Variants in ASTN1 observed in about 807,000 individuals in gnomAD.
ASTN1 encodes astrotactin-1.
Under a neutral mutation model 140.7 loss-of-function variants are expected in ASTN1, and 41 were observed. The observed-to-expected ratio is 0.29, with a 90% confidence interval of 0.23 to 0.38. The LOEUF (loss-of-function observed/expected upper bound fraction) is 0.38. Ranked by LOEUF, ASTN1 falls within the 10% of genes least tolerant of loss-of-function variation. The pLI is 1.00. For missense variants in ASTN1, 1,479 were observed against 1,678.8 expected, an observed-to-expected ratio of 0.88 and a Z score of 2.08; for synonymous variants, 640 against 652.2, an observed-to-expected ratio of 0.98 and a Z score of 0.29.
At chr1:177,023,642 AG>A (rs1675945563) in intron 6 of ASTN1, 71 bp from the exon 7 acceptor site, 23 of 1,430,400 alleles carry the variant, frequency 1.6e-5, no homozygotes, top group Non-Finnish European at 2.0e-5. Context: ...ACCGAAGACA[AG>A]GAAATCCCAA....
intron 1 of ASTN1, among the ~76,000 whole-genome samples, chr1:177,158,690 GTGTA>G (rs1475183287): frequency 8.2e-4 from 119 of 144,870 alleles, no homozygotes; most frequent in Admixed American, 1.7e-3. Flanking sequence ...GTGTGTGTGT[GTGTA>G]TGATATATAT....
At chr1:176,858,486 A>G (rs989831792), downstream of ASTN1, among the ~76,000 whole-genome samples, 1 of 152,180 alleles carries the variant, frequency 6.6e-6, no homozygotes, top group South Asian at 2.1e-4. Context: ...CCAAGCATTG[A>G]GTGTTACCAT....
At chr1:177,090,415 T>G (rs568109218) in intron 1 of ASTN1, among the ~76,000 whole-genome samples, 1 of 152,280 alleles carries the variant, frequency 6.6e-6, no homozygotes, top group East Asian at 1.9e-4. Context: ...TTATCCCTTT[T>G]ATACTGTGAG....
intron 2 of ASTN1, among the ~76,000 whole-genome samples, chr1:177,033,256 T>C (rs1034729156): frequency 6.6e-6 from 1 of 151,992 alleles, no homozygotes; most frequent in Non-Finnish European, 1.5e-5. Flanking sequence ...TTTAGCAATA[T>C]GGGGTGACAT....
intron 1 of ASTN1, among the ~76,000 whole-genome samples, chr1:177,129,281 G>C (rs929349056): frequency 2.6e-5 from 4 of 152,164 alleles, no homozygotes; most frequent in African/African-American, 9.7e-5. Context: ...GTGAGAAACT[G>C]GGGACCACTC....
intron 14 of ASTN1, among the ~76,000 whole-genome samples, chr1:176,937,471 TA>T (rs1288026247): frequency 1.3e-5 from 2 of 152,190 alleles, no homozygotes; most frequent in Admixed American, 1.3e-4. Context: ...TACAGCCTCT[TA>T]GTGATGTTAT....
In ASTN1 at chr1:177,164,381, C is replaced by T. The variant is rs546156673; in HGVS notation, c.283+13G>A. On this transcript the variant is annotated intron_variant, in intron 1 of 22. Transcript: ENST00000361833. Reference sequence around the variant, plus strand: ...CAGCGCCTCCGGCCGCCTCGACCTCCCCCGGGACTCACCCAGCACGAAGTA... The same window carrying T: ...CAGCGCCTCCGGCCGCCTCGACCTCTCCCGGGACTCACCCAGCACGAAGTA... 2.5e-6 allele frequency: 4 copies of T among 1,572,456 alleles called. No homozygotes were observed. Among genetic ancestry groups the T allele is most frequent in the African/African-American group, 2.7e-5 (2 of 73,598 alleles).
chr1:176,894,886 A>G lies in ASTN1; in HGVS notation c.2672-56T>C, dbSNP rs1669441010. Reference sequence around the variant, plus strand: ...AGGAGTCAAAAAAGTAAGGACTATCATGACCTCGTGGCCCCTGAGTGCTGG... The same window carrying G: ...AGGAGTCAAAAAAGTAAGGACTATCGTGACCTCGTGGCCCCTGAGTGCTGG... On this transcript the variant is annotated intron_variant, in intron 16 of 22. Transcript: ENST00000361833. The G allele has an allele frequency of 2.5e-6, 4 of 1,600,628 alleles. No homozygotes were observed. In the Admixed American group the frequency reaches 5.0e-5, roughly 20 times the overall value.
chr1:176,883,318 C>T (rs922882722), intron 19 of ASTN1, among the ~76,000 whole-genome samples: 2 of 151,296 alleles, frequency 1.3e-5, no homozygotes, highest in Non-Finnish European at 2.9e-5. Flanking sequence ...CTGCAACCTC[C>T]GCCTCCTGGG....
At chr1:177,037,239 G>A (rs1676762506) in intron 2 of ASTN1, among the ~76,000 whole-genome samples, 1 of 152,130 alleles carries the variant, frequency 6.6e-6, no homozygotes, top group Admixed American at 6.5e-5. Context: ...GGGGGCAGAT[G>A]GAATGGAAAG....
chr1:176,861,680 G>A lies in ASTN1; in HGVS notation c.*2604C>T. On this transcript the variant is annotated 3_prime_UTR_variant, in exon 23 of 23. Coordinates refer to ENST00000361833, the MANE Select transcript of ASTN1 (RefSeq NM_004319.3). The stretch of plus-strand genomic sequence containing the variant: ...CATAGGAGTTGTGTGCATTGTGTGT[G>A]CACACGTGTGTGTGTGTGTACATAC... 1.0e-6 allele frequency: 1 copy of A among 985,422 alleles called. No homozygotes were observed. The highest frequency in any genetic ancestry group is 1.2e-6 in the Non-Finnish European group (1 of 829,944). 61.0% of individuals were successfully genotyped at this position (985,422 alleles called of 1,614,324 possible).
chr1:177,060,318 T>G (rs971747151), intron 2 of ASTN1, among the ~76,000 whole-genome samples: 1 of 152,232 alleles, frequency 6.6e-6, no homozygotes, highest in African/African-American at 2.4e-5. Context: ...TCTACCCACA[T>G]GCCCTCTATT....
rs112967172 is a variant in ASTN1, at chr1:177,135,796, T to C, written c.283+28598A>G. On this transcript the variant is annotated intron_variant, in intron 1 of 22. Transcript: ENST00000361833. ...TATTTAAAAACTTTGCCACTCAAAG[T>C]GTTCTCATGACCCAGTAGCATGGAG... Among the ~76,000 whole-genome samples, 374 of 152,306 alleles carry C rather than the reference T, an allele frequency of 2.5e-3. 2 individuals carry two copies. The highest frequency in any genetic ancestry group is 8.1e-3 in the African/African-American group (338 of 41,572).
rs1469729277 is a variant in ASTN1 at position 177,094,005 on chromosome 1, C to G, written c.284-32740G>C. ...AAGAGCTCCTGGCTTATAGAAATGC[C>G]CTGCCAAAATTTCAGGAACTTCCAG... On this transcript the variant is annotated intron_variant, in intron 1 of 22. Coordinates refer to ENST00000361833, the MANE Select transcript of ASTN1 (RefSeq NM_004319.3). Among the ~76,000 whole-genome samples, 33 of 152,070 alleles carry G rather than the reference C, an allele frequency of 2.2e-4. 1 individual carries two copies. Among genetic ancestry groups the G allele is most frequent in the Admixed American group, 2.2e-3 (33 of 15,250 alleles).
downstream of ASTN1, among the ~76,000 whole-genome samples, chr1:176,859,331 C>T (rs1291879454): frequency 2.0e-5 from 3 of 152,118 alleles, no homozygotes; most frequent in Non-Finnish European, 4.4e-5. Context: ...GGCAGAGACC[C>T]ACTTCATTGG....
chr1:177,091,470 A>G (rs1679747890), intron 1 of ASTN1, among the ~76,000 whole-genome samples: 1 of 152,176 alleles, frequency 6.6e-6, no homozygotes, highest in South Asian at 2.1e-4. Context: ...GCTGACTGTC[A>G]TCTTTGCTAT....
chr1:177,052,228 G>C (rs114967320), intron 2 of ASTN1, among the ~76,000 whole-genome samples: 376 of 152,224 alleles, frequency 2.5e-3, no homozygotes, highest in African/African-American at 8.8e-3. Context: ...CATGATCACA[G>C]ATGCTTTTCT....
At chr1:176,880,739 C>T (rs1668760491) in intron 20 of ASTN1, among the ~76,000 whole-genome samples, 1 of 152,206 alleles carries the variant, frequency 6.6e-6, no homozygotes, top group Admixed American at 6.5e-5. Flanking sequence ...GTAATGAGGT[C>T]ATGCTCTGAG....
chr1:176,963,366 T>G (rs1406070125), intron 9 of ASTN1, among the ~76,000 whole-genome samples: 2 of 152,224 alleles, frequency 1.3e-5, no homozygotes, highest in Admixed American at 1.3e-4. Context: ...TTTACTCAGA[T>G]GCCAGAGTGG....
Sources: allele counts gnomAD v4.1 joint callset (sites outside exome capture counted in the v4.1 genomes callset), GRCh38; gene constraint gnomAD v4.1.1; transcripts MANE v1.5; gene names NCBI Gene and HGNC (gene_info 2026-07-23, HGNC 2026-07-21).